The following WDR33 variants were observed in gnomAD, a reference collection of about 807,000 sequenced individuals.
WDR33 encodes WD repeat domain 33, also known as pre-mRNA 3' end processing protein WDR33.
Under a neutral mutation model 164.9 loss-of-function variants are expected in WDR33, and 47 were observed. That is an observed-to-expected ratio of 0.29 (90% CI 0.23 to 0.36). The LOEUF (loss-of-function observed/expected upper bound fraction) is 0.36, where lower values mean the gene tolerates loss of function less well. Among genes scored for constraint, WDR33 ranks in the 10% least tolerant of loss-of-function variants. WDR33 has a pLI of 1.00. For missense variants in WDR33, 1,137 were observed against 1,754.1 expected (o/e 0.65, Z 6.28); for synonymous variants, 505 against 589.0 (o/e 0.86, Z 2.06).
chr2:127,711,751 G>GAT (rs754454193), intron 18 of WDR33, among the ~76,000 whole-genome samples: 3,874 of 71,456 alleles, frequency 0.054, 214 homozygotes, highest in East Asian at 0.17. Context: ...CACATATACA[G>GAT]ATATATATAT....
chr2:127,804,205 C>T (rs1214671765), intron 1 of WDR33, among the ~76,000 whole-genome samples: 1 of 152,038 alleles, frequency 6.6e-6, no homozygotes, highest in Non-Finnish European at 1.5e-5. Flanking sequence ...CCTGTAGTCC[C>T]AGCTACTCGG....
chr2:127,711,762 A>ATTTTT, intron 18 of WDR33, among the ~76,000 whole-genome samples: 1 of 74,276 alleles, frequency 1.3e-5, no homozygotes, highest in Non-Finnish European at 2.3e-5. Context: ...ATATATATAT[A>ATTTTT]TATATATATA....
At chr2:127,761,181 A>G (rs959640086) in intron 7 of WDR33, among the ~76,000 whole-genome samples, 1 of 152,128 alleles carries the variant, frequency 6.6e-6, no homozygotes, top group Non-Finnish European at 1.5e-5. Flanking sequence ...CCACTGTAAA[A>G]TTAGTTGTTT....
Position 127,713,754 on chromosome 2 carries a change from C to T in WDR33, c.3137G>A (p.Arg1046Lys), listed in dbSNP as rs755639668. Reference sequence around the variant, plus strand: ...AAACGGAGGCCCAGGGCCCCCTCGCCTCCACTTCTCTTCTTGCGGTAAAGG... The same window carrying T: ...AAACGGAGGCCCAGGGCCCCCTCGCTTCCACTTCTCTTCTTGCGGTAAAGG... ...GGPLPQEEKW[R>K]RGGPGPPFPP... Residue 1046 changes from arginine (R) to lysine (K), a missense_variant, in exon 18 of 22, where the codon AGG becomes AAG. Around this residue, in one of 9 missense-constraint regions of WDR33, gnomAD observed 867 missense variants for 1,073.0 expected, o/e 0.81. Coordinates refer to ENST00000322313, the MANE Select transcript of WDR33 (RefSeq NM_018383.5). The surrounding 1 kb of genome is among the most constrained non-coding windows in gnomAD (Gnocchi z 6.2). The T allele has an allele frequency of 6.2e-7, 1 of 1,614,268 alleles. No individual in the cohort carries two copies. The highest frequency in any genetic ancestry group is 8.5e-7 in the Non-Finnish European group (1 of 1,180,034).
chr2:127,731,294 C>CAAAAAAAAAAAAAAAAAAAAAAAAAAA (rs35161101), intron 7 of WDR33, among the ~76,000 whole-genome samples: 1 of 70,330 alleles, frequency 1.4e-5, no homozygotes, highest in Non-Finnish European at 2.7e-5. Context: ...GACCCTGCCT[C>CAAAAAAAAAAAAAAAAAAAAAAAAAAA]AAAAAAAAAA....
intron 7 of WDR33, among the ~76,000 whole-genome samples, chr2:127,755,285 T>A (rs766443798): frequency 2.0e-5 from 3 of 152,184 alleles, no homozygotes; most frequent in Non-Finnish European, 2.9e-5. Flanking sequence ...ACCATCTACA[T>A]TAATATAAAC....
chr2:127,795,778 G>T (rs886124588), intron 1 of WDR33, among the ~76,000 whole-genome samples: 8 of 151,296 alleles, frequency 5.3e-5, no homozygotes, highest in South Asian at 2.1e-4. Flanking sequence ...AGGCTGCAGC[G>T]AGCTGAGATG....
chr2:127,733,448 TCCA>T (rs1045825387), intron 7 of WDR33, among the ~76,000 whole-genome samples: 2 of 152,144 alleles, frequency 1.3e-5, no homozygotes, highest in African/African-American at 4.8e-5. Flanking sequence ...ATTAAGACAT[TCCA>T]GTTGTAGATC....
In WDR33 at chr2:127,726,068, A is replaced by G. The variant is rs1686566408; in HGVS notation, c.851+583T>C. On this transcript the variant is annotated intron_variant, in intron 8 of 21. Transcript: ENST00000322313. This position sits in a 1 kb window ranked among gnomAD's most constrained non-coding sequence, Gnocchi z 4.8. ...TGTACAACAAAGCAGCCTTGCTCCA[A>G]CCAATTCACTCTGAATATGGTTCTC... Among the ~76,000 whole-genome samples the G allele has an allele frequency of 6.6e-6, 1 of 152,144 alleles. No individual in the cohort carries two copies. The highest frequency in any genetic ancestry group is 6.5e-5 in the Admixed American group (1 of 15,280).
intron 21 of WDR33, among the ~76,000 whole-genome samples, chr2:127,707,229 T>TAAAAAAAAAAAA (rs200273049): frequency 8.2e-6 from 1 of 122,592 alleles, no homozygotes. Context: ...AGAATATATT[T>TAAAAAAAAAAAA]AAAAAAAAAA....
At chr2:127,809,779 A>G (rs1022179295) in intron 1 of WDR33, among the ~76,000 whole-genome samples, 3 of 152,148 alleles carry the variant, frequency 2.0e-5, no homozygotes, top group African/African-American at 7.2e-5. Context: ...AGTACAGGAA[A>G]GACAAGTTAA....
Position 127,763,194 on chromosome 2 carries a change from T to A in WDR33, c.627-35A>T. The A allele has an allele frequency of 6.2e-7, 1 of 1,613,670 alleles. No homozygotes were observed. Among genetic ancestry groups the A allele is most frequent in the Non-Finnish European group, 8.5e-7 (1 of 1,179,702 alleles). On this transcript the variant is annotated intron_variant, in intron 6 of 21. Coordinates refer to ENST00000322313, the MANE Select transcript of WDR33 (RefSeq NM_018383.5). The surrounding 1 kb of genome is among the most constrained non-coding windows in gnomAD (Gnocchi z 4.5). ...GAAGACACACAGCAGGGGAAAGAAG[T>A]CAGCATTTAACAGATAATCTGTGCT... is the stretch of plus-strand genomic sequence containing the variant.
intron 1 of WDR33, among the ~76,000 whole-genome samples, chr2:127,810,413 T>C (rs1689609745): frequency 1.3e-5 from 2 of 152,200 alleles, no homozygotes; most frequent in Non-Finnish European, 2.9e-5. Context: ...TCATTTCTTT[T>C]AAGAAGGCAT....
rs1490407151 is a variant in WDR33 at position 127,763,229 on chromosome 2, G to A, written c.627-70C>T. On this transcript the variant is annotated intron_variant, in intron 6 of 21. Transcript: ENST00000322313. This position sits in a 1 kb window ranked among gnomAD's most constrained non-coding sequence, Gnocchi z 4.5. ...ACAGATAATCTGTGCTTCTCAGACA[G>A]GGAAAAATAAAAACACTGTGCTGCA... 4 of 1,608,826 alleles carry A rather than the reference G, an allele frequency of 2.5e-6. No individual in the cohort carries two copies. The highest frequency in any genetic ancestry group is 4.5e-5 in the East Asian group (2 of 44,708).
chr2:127,737,338 A>C (rs955293367), intron 7 of WDR33: 1 of 985,302 alleles, frequency 1.0e-6, no homozygotes, highest in Non-Finnish European at 1.2e-6. Context: ...TGTAAGAAAG[A>C]GTACTCTGAG....
chr2:127,702,311 A>G lies in WDR33; in HGVS notation c.*4012T>C, dbSNP rs753373953. ...CCTGCCCTAACAGCCTGCGAGTCTA[A>G]TCCGGGAGCGGCTGCTGCCAGCGGA... On this transcript the variant is annotated 3_prime_UTR_variant, in exon 22 of 22. Transcript: ENST00000322313. 61 of 942,350 alleles carry G rather than the reference A, an allele frequency of 6.5e-5. No individual in the cohort carries two copies. Among genetic ancestry groups the G allele is most frequent in the Non-Finnish European group, 8.0e-5 (59 of 735,984 alleles). The allele number at this position is 942,350 out of a possible 1,614,324, so 58.4% of individuals were successfully genotyped here. A position where few individuals can be genotyped will look rare whatever the true frequency, so the allele number is the denominator to read the frequency against.
rs1010084758 is a variant in WDR33 at position 127,735,246 on chromosome 2, C to A, written c.725-8469G>T. 2.2e-5 allele frequency: 8 copies of A among 366,204 alleles called. No individual in the cohort carries two copies. Among genetic ancestry groups the A allele is most frequent in the Non-Finnish European group, 3.0e-5 (8 of 264,004 alleles). The allele number at this position is 366,204 out of a possible 1,614,324, so 22.7% of individuals were successfully genotyped here. On this transcript the variant is annotated intron_variant, in intron 7 of 21. Coordinates refer to ENST00000322313, the MANE Select transcript of WDR33 (RefSeq NM_018383.5). This position sits in a 1 kb window ranked among gnomAD's most constrained non-coding sequence, Gnocchi z 4.3. ...TAAACTTTGTGCCCTGTGCATTTTT[C>A]TCAGGCCCTCACCCCTCCTCCACCT...
In WDR33 at chr2:127,702,920, G is replaced by A. The variant is rs1376896644; in HGVS notation, c.*3403C>T. Reference sequence around the variant, plus strand: ...CAAATAGAAAGATAATTCTAGATCCGGAATACCTGTATCTGGTGGAAACCA... The same window carrying A: ...CAAATAGAAAGATAATTCTAGATCCAGAATACCTGTATCTGGTGGAAACCA... On this transcript the variant is annotated 3_prime_UTR_variant, in exon 22 of 22. Coordinates refer to ENST00000322313, the MANE Select transcript of WDR33 (RefSeq NM_018383.5). 6.0e-6 allele frequency: 1 copy of A among 166,956 alleles called. No homozygotes were observed. The highest frequency in any genetic ancestry group is 2.4e-5 in the African/African-American group (1 of 41,428). The allele number at this position is 166,956 out of a possible 1,614,324, so 10.3% of individuals were successfully genotyped here.
At chr2:127,737,583 T>C in intron 7 of WDR33, 1 of 992,106 alleles carries the variant, frequency 1.0e-6, no homozygotes, top group Non-Finnish European at 1.2e-6. Context: ...GAAAGGCCAG[T>C]ACCTACACTA....
Sources: gnomAD v4.1 joint callset for allele counts (sites outside exome capture counted in the v4.1 genomes callset) on GRCh38, gnomAD v4.1.1 for gene constraint, gnomAD v4.1.1 regional missense constraint, Gnocchi (gnomAD v3.1) non-coding constraint, MANE v1.5 for transcripts, NCBI Gene and HGNC (gene_info 2026-07-23, HGNC 2026-07-21) for gene names.